Variants in HERC1 observed in about 807,000 individuals in gnomAD.
HERC1 encodes the protein probable E3 ubiquitin-protein ligase HERC1.
HERC1 carries 160 observed loss-of-function variants against 554.3 expected under a neutral mutation model. That is an observed-to-expected ratio of 0.29 (90% confidence interval 0.25 to 0.33). HERC1 has a LOEUF of 0.33. Ranked by LOEUF, HERC1 falls within the 10% of genes least tolerant of loss-of-function variation. The probability of loss-of-function intolerance (pLI) is 1.00; values close to 1 mark genes in which losing one functional copy is unlikely to be tolerated. For synonymous variants in HERC1, 2,175 were observed against 2,131.7 expected (o/e 1.02, Z -0.56); for missense variants, 4,919 against 5,918.5 (o/e 0.83, Z 5.54).
chr15:63,806,054 A>G (rs966152333), intron 1 of HERC1, among the ~76,000 whole-genome samples: 1 of 151,944 alleles, frequency 6.6e-6, no homozygotes, highest in African/African-American at 2.4e-5. Context: ...TTCTCAGTAT[A>G]TATTTTTTCT....
Position 63,756,468 on chromosome 15 carries a change from G to A in HERC1, c.1502C>T (p.Pro501Leu). 6.2e-7 allele frequency: 1 copy of A among 1,613,800 alleles called. No homozygotes were observed. The highest frequency in any genetic ancestry group is 8.5e-7 in the Non-Finnish European group (1 of 1,179,794). ...GHGNSSTQKY[P>L]KLIQGPLQGK... ...TTGTAGAGGTCCCTGAATAAGCTTG[G>A]GATATTTCTGTGTTGAACTATTTCC... The change falls in exon 5 of 78, where the codon CCC (proline) becomes CTC (leucine). Residue 501 changes from proline (P) to leucine (L), a missense_variant. Coordinates refer to ENST00000443617, the MANE Select transcript of HERC1 (RefSeq NM_003922.4). This position sits in a 1 kb window ranked among gnomAD's most constrained non-coding sequence, Gnocchi z 5.0.
At chr15:63,683,797 A>T (rs74605275) in intron 34 of HERC1, among the ~76,000 whole-genome samples, 4,706 of 152,254 alleles carry the variant, frequency 0.031, 232 homozygotes, top group African/African-American at 0.11. Context: ...GTATAGGCAC[A>T]TGCCCCCATA....
At position 63,654,343 on chromosome 15, in the gene HERC1, A is replaced by G. The variant is rs751857539; in HGVS notation, c.10085-19T>C. ...AGAGGGCCTACAGCAGAAGGATCAT[A>G]GGAAGGATGGGCATACAATTGGGCA... On this transcript the variant is annotated intron_variant, in intron 50 of 77. Transcript: ENST00000443617. 10 of 1,592,724 alleles carry G rather than the reference A, an allele frequency of 6.3e-6. No individual in the cohort carries two copies. Among genetic ancestry groups the G allele is most frequent in the Non-Finnish European group, 8.6e-6 (10 of 1,164,728 alleles).
intron 1 of HERC1, among the ~76,000 whole-genome samples, chr15:63,813,448 T>C (rs1177042595): frequency 6.6e-6 from 1 of 152,046 alleles, no homozygotes; most frequent in African/African-American, 2.4e-5. Flanking sequence ...GAGTTACTTA[T>C]CTTTTAATCT....
At chr15:63,816,244 T>A (rs921294162) in intron 1 of HERC1, among the ~76,000 whole-genome samples, 1 of 152,252 alleles carries the variant, frequency 6.6e-6, no homozygotes, top group African/African-American at 2.4e-5. Flanking sequence ...TACATGTTAA[T>A]ATGTACTTGA....
chr15:63,662,856 C>T, intron 44 of HERC1, 128 bp downstream of exon 44: 1 of 658,412 alleles, frequency 1.5e-6, no homozygotes, highest in Non-Finnish European at 2.6e-6. Flanking sequence ...TTTAAATCCC[C>T]AAACCTCAGG....
chr15:63,695,016 C>G, intron 27 of HERC1, 122 bp from the exon 28 acceptor site: 1 of 770,558 alleles, frequency 1.3e-6, no homozygotes, highest in Non-Finnish European at 1.8e-6. Flanking sequence ...TAATTATTTA[C>G]TATATTTCAT....
At chr15:63,632,606 C>T (rs2068611791) in intron 68 of HERC1, 103 bp downstream of exon 68, 1 of 768,364 alleles carries the variant, frequency 1.3e-6, no homozygotes, top group South Asian at 1.5e-5. Flanking sequence ...TACTCACCAC[C>T]TAGAACAAAA....
At chr15:63,713,264 C>T in intron 23 of HERC1, 89 bp downstream of exon 23, 2 of 1,101,848 alleles carry the variant, frequency 1.8e-6, no homozygotes, top group Non-Finnish European at 1.3e-6. Context: ...AACATCAGAA[C>T]ACTGTAACTT....
chr15:63,794,633 G>A lies in HERC1; in HGVS notation c.-26-18984C>T, dbSNP rs533644974. Among the ~76,000 whole-genome samples the A allele has an allele frequency of 2.0e-5, 3 of 152,248 alleles. No homozygotes were observed. In the South Asian group the frequency reaches 6.2e-4, roughly 32 times the overall value. ...AGATTTTAGGAGTTATATTCCAGGA[G>A]ACATGAGGAAGACCAAATATATATT... is the stretch of plus-strand genomic sequence containing the variant. On this transcript the variant is annotated intron_variant, in intron 1 of 77. Coordinates refer to ENST00000443617, the MANE Select transcript of HERC1 (RefSeq NM_003922.4).
At chr15:63,769,552 G>A (rs761942463) in intron 2 of HERC1, among the ~76,000 whole-genome samples, 4 of 151,650 alleles carry the variant, frequency 2.6e-5, no homozygotes, top group East Asian at 1.9e-4. Context: ...AAATAAAGTC[G>A]AAATTAAAAT....
intron 17 of HERC1, among the ~76,000 whole-genome samples, chr15:63,726,751 C>T (rs117293288): frequency 0.017 from 2,545 of 152,150 alleles, 40 homozygotes; most frequent in Non-Finnish European, 0.028. Flanking sequence ...CTTCTAAAAC[C>T]TCAGGAAGAG....
chr15:63,643,133 T>C (rs1463299890), intron 58 of HERC1, 75 bp from the exon 59 acceptor site: 11 of 1,068,542 alleles, frequency 1.0e-5, no homozygotes, highest in South Asian at 2.7e-5. Flanking sequence ...CTATTTCACA[T>C]TGACAAAAAC....
intron 26 of HERC1, among the ~76,000 whole-genome samples, chr15:63,697,750 C>T (rs751881338): frequency 4.6e-5 from 7 of 152,004 alleles, no homozygotes; most frequent in South Asian, 2.1e-4. Flanking sequence ...CCACCGCGCC[C>T]GGCCAATCTT....
chr15:63,676,483 G>A (rs79267723), intron 37 of HERC1, among the ~76,000 whole-genome samples: 1,875 of 152,262 alleles, frequency 0.012, 35 homozygotes, highest in African/African-American at 0.043. Context: ...CCGGCCGAGC[G>A]TGGTGGCTCA....
intron 1 of HERC1, among the ~76,000 whole-genome samples, chr15:63,787,995 CA>C (rs1040457817): frequency 2.3e-4 from 30 of 130,574 alleles, no homozygotes; most frequent in Non-Finnish European, 3.3e-5. Context: ...CAAAACAAAA[CA>C]AAAAACCTTA....
intron 22 of HERC1, chr15:63,713,880 A>G (rs1309783132): frequency 2.2e-6 from 1 of 462,056 alleles, no homozygotes; most frequent in African/African-American, 1.9e-5. Flanking sequence ...ATTAGGAAAT[A>G]CTAATCTGCC....
intron 1 of HERC1, among the ~76,000 whole-genome samples, chr15:63,776,057 T>A (rs2076104924): frequency 6.6e-6 from 1 of 151,992 alleles, no homozygotes; most frequent in Non-Finnish European, 1.5e-5. Context: ...AAAAAAAGTT[T>A]ATGTTAAAAA....
intron 1 of HERC1, among the ~76,000 whole-genome samples, chr15:63,811,383 GT>G (rs2077302906): frequency 6.6e-6 from 1 of 152,100 alleles, no homozygotes; most frequent in South Asian, 2.1e-4. Context: ...GCACCAAAAT[GT>G]TGCAATTTGT....
Sources: gnomAD v4.1 joint callset for allele counts (sites outside exome capture counted in the v4.1 genomes callset) on GRCh38, gnomAD v4.1.1 for gene constraint, Gnocchi (gnomAD v3.1) non-coding constraint, MANE v1.5 for transcripts, NCBI Gene and HGNC (gene_info 2026-07-23, HGNC 2026-07-21) for gene names.